IL1RL1: variants seen among roughly 807,000 people sequenced by gnomAD.
IL1RL1 encodes interleukin-1 receptor-like 1.
IL1RL1 carries 32 observed loss-of-function variants against 50.9 expected under a neutral mutation model. That is an observed-to-expected ratio of 0.63 (90% CI 0.47 to 0.84). IL1RL1 has a LOEUF of 0.84. IL1RL1 is among the 40% of genes least tolerant of loss of function. The probability of loss-of-function intolerance (pLI) is 0.00; values close to 1 mark genes in which losing one functional copy is unlikely to be tolerated. For missense variants in IL1RL1, 773 were observed against 662.9 expected (o/e 1.17, Z -1.82); for synonymous variants, 275 against 236.0 (o/e 1.17, Z -1.51).
At position 102,351,612 on chromosome 2, in the gene IL1RL1, C is replaced by A. The variant is rs1677935857; in HGVS notation, c.1362C>A (p.His454Gln). Residue 454 changes from histidine to glutamine, a missense_variant, in exon 11 of 11, where the codon CAC becomes CAA. His to Gln is a conservative substitution (Grantham distance 24). Transcript: ENST00000233954. ...HIFILTPQIT[H>Q]NKEFAYEQEV... Reference sequence around the variant, plus strand: ...TCATCCTGACCCCTCAGATCACTCACAATAAGGAGTTTGCCTACGAGCAGG... The same window carrying A: ...TCATCCTGACCCCTCAGATCACTCAAAATAAGGAGTTTGCCTACGAGCAGG... 2.5e-6 allele frequency: 4 copies of A among 1,614,130 alleles called. No homozygotes were observed. Among genetic ancestry groups the A allele is most frequent in the African/African-American group, 2.7e-5 (2 of 75,032 alleles).
Position 102,349,207 on chromosome 2 carries a change from A to G in IL1RL1, c.1246A>G (p.Thr416Ala). Residue 416 changes from threonine to alanine, a missense_variant, in exon 10 of 11, where the codon ACC becomes GCC. By Grantham distance (58) the Thr-to-Ala change is moderately conservative. Coordinates refer to ENST00000233954, the MANE Select transcript of IL1RL1 (RefSeq NM_016232.5). ...TGTTCTTGAAAATAAATGTGGCTAT[A>G]CCTTATGCATTTATGGGAGAGATAT... ...PDVLENKCGYTLCIYGRDMLP... is the reference protein window; with the variant it reads ...PDVLENKCGYALCIYGRDMLP... 1 of 1,613,858 alleles carries G rather than the reference A, an allele frequency of 6.2e-7. No individual in the cohort carries two copies. Among genetic ancestry groups the G allele is most frequent in the South Asian group, 1.1e-5 (1 of 91,074 alleles).
chr2:102,327,306 C>T lies in IL1RL1; in HGVS notation c.-149-10810C>T, dbSNP rs529550915. 1.1e-3 allele frequency among the ~76,000 whole-genome samples: 171 copies of T among 151,820 alleles called. 1 individual carries two copies. The highest frequency in any genetic ancestry group is 3.4e-3 in the Middle Eastern group (1 of 294). On this transcript the variant is annotated intron_variant, in intron 1 of 10. Transcript: ENST00000233954. ...AAATAAAGATGTTCTTTGAAACCAA[C>T]GAGAACAAAGACACAACATACCAGA... is the stretch of plus-strand genomic sequence containing the variant.
At chr2:102,331,358 A>G (rs1028921900) in intron 1 of IL1RL1, among the ~76,000 whole-genome samples, 4 of 152,264 alleles carry the variant, frequency 2.6e-5, no homozygotes, top group African/African-American at 9.6e-5. Context: ...AATGCAGACC[A>G]CAGCAATAAA....
At position 102,343,301 on chromosome 2, in the gene IL1RL1, G is replaced by A; in HGVS notation, c.856G>A (p.Val286Ile). Residue 286 changes from valine (V) to isoleucine (I), a missense_variant, in exon 8 of 11, where the codon GTT (valine) becomes ATT (isoleucine). Coordinates refer to ENST00000233954, the MANE Select transcript of IL1RL1 (RefSeq NM_016232.5). ...CAATGGGCTGGCTTGTCTAGACATG[G>A]TTTTAAGAATAGCTGACGTGAAGGA... The part of the protein sequence containing the change: ...FSNGLACLDM[V>I]LRIADVKEED... 6.2e-7 allele frequency: 1 copy of A among 1,614,230 alleles called. No individual in the cohort carries two copies. Among genetic ancestry groups the A allele is most frequent in the Non-Finnish European group, 8.5e-7 (1 of 1,180,044 alleles).
intron 1 of IL1RL1, among the ~76,000 whole-genome samples, chr2:102,325,614 G>T (rs1011012500): frequency 6.6e-6 from 1 of 152,164 alleles, no homozygotes; most frequent in Non-Finnish European, 1.5e-5. Flanking sequence ...AAAAAAATTA[G>T]ATGAATGGCT....
chr2:102,327,566 G>C (rs1228743903), intron 1 of IL1RL1, among the ~76,000 whole-genome samples: 1 of 152,120 alleles, frequency 6.6e-6, no homozygotes, highest in Non-Finnish European at 1.5e-5. Context: ...GAATACAGGA[G>C]CTGGTTTTTT....
chr2:102,331,183 C>A (rs1319174557), intron 1 of IL1RL1, among the ~76,000 whole-genome samples: 1 of 152,140 alleles, frequency 6.6e-6, no homozygotes, highest in Non-Finnish European at 1.5e-5. Flanking sequence ...AGTTCTCTGA[C>A]TTTGTTCTTT....
At chr2:102,338,475 C>T in intron 2 of IL1RL1, 150 bp downstream of exon 2, 1 of 544,604 alleles carries the variant, frequency 1.8e-6, no homozygotes, top group East Asian at 3.0e-5. Context: ...TTTTTCATTA[C>T]AAATCTATCA....
rs1481834234 is a variant in IL1RL1, at chr2:102,343,030, C to T, written c.683-6C>T. ...TTTATTGGTGAATGTCCTTACTCCC[C>T]TCTAGGAAAAAACGCAAACCTAACT... On this transcript the variant is annotated splice_polypyrimidine_tract_variant and splice_region_variant and intron_variant, in intron 6 of 10. Coordinates refer to ENST00000233954, the MANE Select transcript of IL1RL1 (RefSeq NM_016232.5). 1 of 1,613,392 alleles carries T rather than the reference C, an allele frequency of 6.2e-7. No homozygotes were observed. Among genetic ancestry groups the T allele is most frequent in the Non-Finnish European group, 8.5e-7 (1 of 1,179,728 alleles).
chr2:102,311,859 T>TATATATTATATAATATAA lies in IL1RL1; in HGVS notation c.-150+236_-150+237insATATATTATATAATATAA, dbSNP rs1470131200. Reference sequence around the variant, plus strand: ...TATATAATTGTAATATATAATATAATTATATAATATATATTATATAATATA... The same window carrying TATATATTATATAATATAA: ...TATATAATTGTAATATATAATATAATATATATTATATAATATAATATATAATATATATTATATAATATA... On this transcript the variant is annotated intron_variant, in intron 1 of 10. Transcript: ENST00000233954. 4.7e-3 allele frequency among the ~76,000 whole-genome samples: 213 copies of TATATATTATATAATATAA among 45,526 alleles called. 2 individuals are homozygous for TATATATTATATAATATAA. The highest frequency in any genetic ancestry group is 7.8e-3 in the Non-Finnish European group (178 of 22,870). The allele number at this position is 45,526 out of a possible 152,430, so 29.9% of individuals were successfully genotyped here.
chr2:102,335,734 T>C (rs933608641), intron 1 of IL1RL1, among the ~76,000 whole-genome samples: 4 of 152,192 alleles, frequency 2.6e-5, no homozygotes, highest in Non-Finnish European at 5.9e-5. Flanking sequence ...ACTTAATACA[T>C]GTTTTAAAAA....
Position 102,343,157 on chromosome 2 carries a change from A to G in IL1RL1, c.804A>G (p.Gln268=). 6.2e-7 allele frequency: 1 copy of G among 1,614,178 alleles called. No individual in the cohort carries two copies. The highest frequency in any genetic ancestry group is 8.5e-7 in the Non-Finnish European group (1 of 1,180,028). Residue 268 remains glutamine, a synonymous_variant, in exon 7 of 11, where the codon CAA becomes CAG. Coordinates refer to ENST00000233954, the MANE Select transcript of IL1RL1 (RefSeq NM_016232.5). ...ITDFGEPRIQ[Q]EEGQNQSFSN... The stretch of plus-strand genomic sequence containing the variant: ...ACTTTGGTGAACCAAGAATTCAACA[A>G]GAGGAAGGGCAAAATCAAAGGTATT...
chr2:102,313,859 G>A (rs917926776), intron 1 of IL1RL1, among the ~76,000 whole-genome samples: 19 of 152,298 alleles, frequency 1.2e-4, no homozygotes, highest in African/African-American at 3.4e-4. Flanking sequence ...TTGCATGCGC[G>A]TGCATGTGCA....
At chr2:102,311,991 T>A (rs1325069800) in intron 1 of IL1RL1, among the ~76,000 whole-genome samples, 3 of 32,548 alleles carry the variant, frequency 9.2e-5, no homozygotes, top group Non-Finnish European at 1.5e-4. Context: ...ATATATATTA[T>A]ATATAATATA....
intron 1 of IL1RL1, among the ~76,000 whole-genome samples, chr2:102,315,411 A>C (rs1365297906): frequency 6.6e-6 from 1 of 152,178 alleles, no homozygotes; most frequent in Non-Finnish European, 1.5e-5. Flanking sequence ...CTATACTTGA[A>C]TGTCTTTGAT....
At chr2:102,350,912 T>C (rs1677912264) in intron 10 of IL1RL1, among the ~76,000 whole-genome samples, 1 of 152,218 alleles carries the variant, frequency 6.6e-6, no homozygotes, top group Non-Finnish European at 1.5e-5. Flanking sequence ...GTATTTCATG[T>C]TCTTTCTGAG....
intron 8 of IL1RL1, 182 bp downstream of exon 8, chr2:102,343,597 G>A (rs1331912478): frequency 6.8e-7 from 1 of 1,471,378 alleles, no homozygotes; most frequent in South Asian, 1.4e-5. Flanking sequence ...TTTGCTGGGA[G>A]CTTCTCTGCT....
At position 102,338,357 on chromosome 2, in the gene IL1RL1, T is replaced by TTAAA. The variant is rs1294164426; in HGVS notation, c.61+33_61+34insAAAT. 4 of 1,231,014 alleles carry TTAAA rather than the reference T, an allele frequency of 3.2e-6. No homozygotes were observed. In the African/African-American group the frequency reaches 4.6e-5, roughly 14 times the overall value. 76.3% of individuals were successfully genotyped at this position (1,231,014 alleles called of 1,614,324 possible). ...ATTGCCTTCTAAGTATAATTTAAAT[T>TTAAA]TTTATAAATTAAATAATTTCAAGAA... On this transcript the variant is annotated intron_variant, in intron 2 of 10. Coordinates refer to ENST00000233954, the MANE Select transcript of IL1RL1 (RefSeq NM_016232.5).
At chr2:102,331,195 TC>T (rs1442166857) in intron 1 of IL1RL1, among the ~76,000 whole-genome samples, 1 of 152,218 alleles carries the variant, frequency 6.6e-6, no homozygotes, top group Non-Finnish European at 1.5e-5. Context: ...TTGTTCTTTT[TC>T]TTTAACCATG....
Sources: allele counts gnomAD v4.1 joint callset (sites outside exome capture counted in the v4.1 genomes callset), GRCh38; gene constraint gnomAD v4.1.1; transcripts MANE v1.5; gene names NCBI Gene and HGNC (gene_info 2026-07-23, HGNC 2026-07-21).